Variants in NRXN3 observed in about 807,000 individuals in gnomAD.
The protein encoded by NRXN3 is neurexin III.
A neutral mutation model predicts 137.6 loss-of-function variants in NRXN3; 32 were observed. The observed-to-expected ratio is 0.23, with a 90% CI of 0.18 to 0.31. NRXN3 has a LOEUF of 0.31. Ranked by LOEUF, NRXN3 falls within the 10% of genes least tolerant of loss-of-function variation. The pLI, the probability that NRXN3 is intolerant of heterozygous loss-of-function variation, is 1.00. For missense variants in NRXN3, 1,574 were observed against 2,062.5 expected (o/e 0.76, Z 4.59); for synonymous variants, 798 against 784.5 (o/e 1.02, Z -0.29).
intron 4 of NRXN3, among the ~76,000 whole-genome samples, chr14:78,560,657 G>T (rs2096777886): frequency 6.6e-6 from 1 of 152,176 alleles, no homozygotes. Flanking sequence ...TTCAGAAGCT[G>T]AAGTGCAGGC....
At chr14:79,089,605 G>A (rs368042498) in intron 15 of NRXN3, among the ~76,000 whole-genome samples, 13 of 151,966 alleles carry the variant, frequency 8.6e-5, no homozygotes, top group African/African-American at 2.4e-4. Flanking sequence ...CACTAAACTC[G>A]CACCTAGGAA....
rs535728039 is a variant in NRXN3 at position 78,356,191 on chromosome 14, A to G, written c.757+58331A>G. 6.6e-5 allele frequency among the ~76,000 whole-genome samples: 10 copies of G among 152,288 alleles called. No individual in the cohort carries two copies. In the South Asian group the frequency reaches 2.1e-3, roughly 32 times the overall value. On this transcript the variant is annotated intron_variant, in intron 4 of 20. Coordinates refer to ENST00000335750, the MANE Select transcript of NRXN3 (RefSeq NM_001330195.2). ...TCTGATGATCTTACAAGCCTTAAAA[A>G]ATCTCTGGATCCTAACTTTCTGGAT...
chr14:78,552,588 C>T (rs1020654790), intron 4 of NRXN3, among the ~76,000 whole-genome samples: 2 of 152,114 alleles, frequency 1.3e-5, no homozygotes, highest in African/African-American at 4.8e-5. Context: ...ATTGCTGGAG[C>T]CCAGGAGTTT....
At chr14:79,025,542 G>A (rs1384364866) in intron 15 of NRXN3, among the ~76,000 whole-genome samples, 1 of 152,086 alleles carries the variant, frequency 6.6e-6, no homozygotes, top group Non-Finnish European at 1.5e-5. Context: ...ATTCTAAAAG[G>A]TCCAGATCAA....
intron 15 of NRXN3, among the ~76,000 whole-genome samples, chr14:79,396,956 T>C (rs1412122515): frequency 1.3e-5 from 2 of 152,112 alleles, no homozygotes; most frequent in Non-Finnish European, 2.9e-5. Flanking sequence ...GGGAATAAAA[T>C]AGAGATTCAT....
intron 19 of NRXN3, among the ~76,000 whole-genome samples, chr14:79,750,709 A>G (rs1445717047): frequency 6.6e-6 from 1 of 152,094 alleles, no homozygotes; most frequent in Non-Finnish European, 1.5e-5. Flanking sequence ...TGAGTCATAC[A>G]TCTCTCATTC....
In NRXN3 at chr14:79,399,452, A is replaced by G. The variant is rs79611177; in HGVS notation, c.3263-67769A>G. Among the ~76,000 whole-genome samples, 1,199 of 152,302 alleles carry G rather than the reference A, an allele frequency of 7.9e-3. 16 individuals carry two copies. Among genetic ancestry groups the G allele is most frequent in the African/African-American group, 0.026 (1,094 of 41,570 alleles). ...CAGAGTGTGTATCATGAAATCAATAATCATTTATTGAGTACTGACTATTCA... is the reference window on the plus strand; with the variant it reads ...CAGAGTGTGTATCATGAAATCAATAGTCATTTATTGAGTACTGACTATTCA... On this transcript the variant is annotated intron_variant, in intron 15 of 20. Transcript: ENST00000335750.
intron 11 of NRXN3, among the ~76,000 whole-genome samples, chr14:78,958,731 C>T (rs1169989609): frequency 2.0e-5 from 3 of 152,140 alleles, no homozygotes; most frequent in Non-Finnish European, 2.9e-5. Flanking sequence ...AATTCTTATC[C>T]ATATGGGAAA....
chr14:78,925,309 T>A (rs1450521195), intron 10 of NRXN3, among the ~76,000 whole-genome samples: 1 of 152,202 alleles, frequency 6.6e-6, no homozygotes, highest in East Asian at 1.9e-4. Context: ...ATGCCCTAGG[T>A]GCAGTGGGCC....
At chr14:78,645,994 C>T (rs2097683853) in intron 5 of NRXN3, among the ~76,000 whole-genome samples, 1 of 152,022 alleles carries the variant, frequency 6.6e-6, no homozygotes, top group Non-Finnish European at 1.5e-5. Flanking sequence ...CTGAATTCCT[C>T]TGTTTCTCTG....
At chr14:79,295,380 G>T (rs1012717393) in intron 15 of NRXN3, among the ~76,000 whole-genome samples, 4 of 151,900 alleles carry the variant, frequency 2.6e-5, no homozygotes, top group African/African-American at 9.7e-5. Flanking sequence ...GAAGGATCAA[G>T]ATTATATGAA....
At chr14:78,662,972 G>A (rs139477468) in intron 6 of NRXN3, among the ~76,000 whole-genome samples, 1,684 of 152,332 alleles carry the variant, frequency 0.011, 14 homozygotes, top group South Asian at 0.028. Context: ...GAACACATGT[G>A]AAATGTGTGT....
At chr14:79,455,807 A>G (rs1280716301) in intron 15 of NRXN3, among the ~76,000 whole-genome samples, 1 of 151,682 alleles carries the variant, frequency 6.6e-6, no homozygotes, top group Admixed American at 6.6e-5. Context: ...TTAAAGAGCA[A>G]ACTTTGGGAT....
At chr14:79,753,951 A>G (rs1338730690) in intron 19 of NRXN3, among the ~76,000 whole-genome samples, 1 of 152,112 alleles carries the variant, frequency 6.6e-6, no homozygotes, top group Non-Finnish European at 1.5e-5. Context: ...ACAGCCATTT[A>G]CACAGCAGTT....
intron 16 of NRXN3, among the ~76,000 whole-genome samples, chr14:79,605,580 C>G (rs963062195): frequency 6.6e-6 from 1 of 152,052 alleles, no homozygotes; most frequent in Non-Finnish European, 1.5e-5. Context: ...CTCCGCCTCC[C>G]AGGTTCAAGC....
chr14:79,248,214 T>C (rs1466249973), intron 15 of NRXN3, among the ~76,000 whole-genome samples: 3 of 152,164 alleles, frequency 2.0e-5, no homozygotes, highest in African/African-American at 7.2e-5. Context: ...ACAATACAAA[T>C]GTGTTATGAT....
At chr14:78,787,156 A>C (rs1365455062) in intron 8 of NRXN3, among the ~76,000 whole-genome samples, 1 of 152,170 alleles carries the variant, frequency 6.6e-6, no homozygotes, top group African/African-American at 2.4e-5. Flanking sequence ...TTTGTGACCC[A>C]GTTTGTCCTT....
chr14:78,671,805 T>C (rs2097938876), intron 6 of NRXN3, among the ~76,000 whole-genome samples: 1 of 152,196 alleles, frequency 6.6e-6, no homozygotes, highest in African/African-American at 2.4e-5. Context: ...TTGAAAACTA[T>C]AAAACCTCAA....
intron 15 of NRXN3, among the ~76,000 whole-genome samples, chr14:79,453,464 A>G (rs1431701561): frequency 6.6e-6 from 1 of 152,244 alleles, no homozygotes; most frequent in East Asian, 1.9e-4. Context: ...GCCAGAGAGA[A>G]AGGCAAGTAG....
Sources: allele counts gnomAD v4.1 joint callset (sites outside exome capture counted in the v4.1 genomes callset), GRCh38; gene constraint gnomAD v4.1.1; transcripts MANE v1.5; gene names NCBI Gene and HGNC (gene_info 2026-07-23, HGNC 2026-07-21).